Variants in RBFOX1 observed in about 807,000 individuals in gnomAD.
RBFOX1 encodes the protein RNA binding protein fox-1 homolog 1.
RBFOX1 carries 8 observed loss-of-function variants against 57.7 expected under a neutral mutation model. The observed-to-expected ratio is 0.14, with a 90% CI of 0.08 to 0.25. The LOEUF (loss-of-function observed/expected upper bound fraction) is 0.25. Ranked by LOEUF, RBFOX1 falls within the 10% of genes least tolerant of loss-of-function variation. The pLI is 1.00. For missense variants in RBFOX1, 611 were observed against 548.5 expected, an observed-to-expected ratio of 1.11 and a Z score of -1.14; for synonymous variants, 326 against 222.4, an observed-to-expected ratio of 1.47 and a Z score of -4.15.
At chr16:5,274,189 A>G (rs1199719740) in intron 1 of RBFOX1, among the ~76,000 whole-genome samples, 2 of 152,228 alleles carry the variant, frequency 1.3e-5, no homozygotes, top group East Asian at 3.9e-4. Flanking sequence ...TTCCCTTTTT[A>G]ACCCACAGAA....
intron 3 of RBFOX1, among the ~76,000 whole-genome samples, chr16:6,867,948 C>T (rs1012986499): frequency 3.3e-5 from 5 of 152,240 alleles, no homozygotes; most frequent in Admixed American, 6.5e-5. Context: ...AGAACTATGG[C>T]TCAGACAAAT....
intron 3 of RBFOX1, among the ~76,000 whole-genome samples, chr16:5,731,063 T>C (rs115041161): frequency 0.015 from 2,271 of 151,984 alleles, 55 homozygotes; most frequent in African/African-American, 0.052. Flanking sequence ...TTGTCACCAA[T>C]GTAAGCACCA....
intron 3 of RBFOX1, among the ~76,000 whole-genome samples, chr16:6,684,065 A>C (rs926802602): frequency 1.3e-5 from 2 of 152,174 alleles, no homozygotes; most frequent in Non-Finnish European, 2.9e-5. Flanking sequence ...ATTTGTTTGC[A>C]TCTCATTTGT....
intron 3 of RBFOX1, among the ~76,000 whole-genome samples, chr16:6,762,327 A>G (rs954232593): frequency 3.9e-5 from 6 of 152,198 alleles, no homozygotes; most frequent in African/African-American, 1.4e-4. Context: ...AACTAGTAAT[A>G]TGTCAATGTT....
At chr16:6,819,292 C>T (rs914491892) in intron 3 of RBFOX1, among the ~76,000 whole-genome samples, 1 of 152,192 alleles carries the variant, frequency 6.6e-6, no homozygotes, top group Non-Finnish European at 1.5e-5. Context: ...GTCCCTTGTA[C>T]ATAGCAGGTG....
At chr16:6,422,583 A>AG (rs2093806465) in intron 2 of RBFOX1, among the ~76,000 whole-genome samples, 2 of 152,068 alleles carry the variant, frequency 1.3e-5, no homozygotes, top group African/African-American at 2.4e-5. Flanking sequence ...GCTCCTGGGG[A>AG]TGCCTCAGGA....
intron 3 of RBFOX1, among the ~76,000 whole-genome samples, chr16:5,857,198 C>T (rs987332697): frequency 1.3e-5 from 2 of 152,050 alleles, no homozygotes; most frequent in African/African-American, 4.8e-5. Context: ...TGGGGAACAG[C>T]TGGTTTGCGA....
chr16:7,007,256 G>C (rs11860345), intron 3 of RBFOX1, among the ~76,000 whole-genome samples: 2 of 152,002 alleles, frequency 1.3e-5, no homozygotes, highest in Non-Finnish European at 2.9e-5. Flanking sequence ...AGCTTTTTAC[G>C]TCCTTTTGTG....
intron 3 of RBFOX1, among the ~76,000 whole-genome samples, chr16:6,937,792 C>T (rs1824420730): frequency 6.6e-6 from 1 of 151,948 alleles, no homozygotes; most frequent in Non-Finnish European, 1.5e-5. Context: ...AGGTAGCAGG[C>T]TGTGGAGAGA....
At chr16:6,483,616 A>T (rs934101154) in intron 2 of RBFOX1, 5 of 1,232,292 alleles carry the variant, frequency 4.1e-6, no homozygotes, top group East Asian at 1.1e-4. Context: ...GAGGGAGGGA[A>T]GGGAGAGACC....
chr16:6,971,243 T>C (rs966098015), intron 3 of RBFOX1, among the ~76,000 whole-genome samples: 14 of 152,132 alleles, frequency 9.2e-5, no homozygotes, highest in Non-Finnish European at 8.8e-5. Flanking sequence ...TGAATTGTTA[T>C]GGGGATGGGA....
chr16:7,178,235 C>T (rs1384308366), intron 4 of RBFOX1, among the ~76,000 whole-genome samples: 5 of 152,202 alleles, frequency 3.3e-5, no homozygotes, highest in African/African-American at 1.2e-4. Context: ...CCTAGTGATT[C>T]AATTTGTCAG....
chr16:7,377,015 T>C (rs1037578918), intron 4 of RBFOX1, among the ~76,000 whole-genome samples: 15 of 152,230 alleles, frequency 9.9e-5, no homozygotes, highest in African/African-American at 2.2e-4. Context: ...GTGATTTCCA[T>C]AGGTCCCTGT....
intron 2 of RBFOX1, among the ~76,000 whole-genome samples, chr16:5,530,984 G>C (rs1490141398): frequency 1.4e-5 from 2 of 142,602 alleles, no homozygotes; most frequent in Admixed American, 7.0e-5. Flanking sequence ...AATTAGCCAG[G>C]CTTGGTGGCA....
chr16:5,820,860 T>C (rs542576916), intron 3 of RBFOX1, among the ~76,000 whole-genome samples: 94 of 152,266 alleles, frequency 6.2e-4, no homozygotes, highest in South Asian at 2.5e-3. Flanking sequence ...TTCATCTCAA[T>C]TTCGGGAAGT....
At chr16:7,429,381 C>G (rs147008259) in intron 4 of RBFOX1, among the ~76,000 whole-genome samples, 1 of 151,736 alleles carries the variant, frequency 6.6e-6, no homozygotes, top group Non-Finnish European at 1.5e-5. Context: ...TTTGGTGTCA[C>G]CGTCCTCTGA....
intron 3 of RBFOX1, among the ~76,000 whole-genome samples, chr16:5,789,490 C>G (rs1311948577): frequency 6.6e-6 from 1 of 152,026 alleles, no homozygotes; most frequent in Non-Finnish European, 1.5e-5. Context: ...TATTTGGAGT[C>G]AAGTTTTAAG....
In RBFOX1 at chr16:6,119,498, T is replaced by C. The variant is rs573206013; in HGVS notation, c.-127+99506T>C. Among the ~76,000 whole-genome samples the C allele has an allele frequency of 2.6e-5, 4 of 152,210 alleles. No homozygotes were observed. In the South Asian group the frequency reaches 8.3e-4, roughly 32 times the overall value. On this transcript the variant is annotated intron_variant, in intron 1 of 15. Coordinates refer to ENST00000550418, the MANE Select transcript of RBFOX1 (RefSeq NM_018723.4). ...CTTTGAACTTAAAAGTACACTAATTTATTACTTTGATGGCCCAATGGTGAT... is the reference window on the plus strand; with the variant it reads ...CTTTGAACTTAAAAGTACACTAATTCATTACTTTGATGGCCCAATGGTGAT...
chr16:7,705,183 T>G (rs2148392679), intron 14 of RBFOX1, among the ~76,000 whole-genome samples: 1 of 151,738 alleles, frequency 6.6e-6, no homozygotes, highest in East Asian at 2.0e-4. Flanking sequence ...AAGCAGAGAA[T>G]GGATTTGCAT....
Sources: gnomAD v4.1 joint callset for allele counts (sites outside exome capture counted in the v4.1 genomes callset) on GRCh38, gnomAD v4.1.1 for gene constraint, MANE v1.5 for transcripts, NCBI Gene and HGNC (gene_info 2026-07-23, HGNC 2026-07-21) for gene names.